Variants in PRMT8 observed in about 807,000 individuals in gnomAD.
The protein encoded by PRMT8 is protein arginine N-methyltransferase 8.
A neutral mutation model predicts 47.1 loss-of-function variants in PRMT8; 7 were observed. That is an observed-to-expected ratio of 0.15 (90% CI 0.08 to 0.28). The LOEUF is 0.28. Among genes scored for constraint, PRMT8 ranks in the 10% least tolerant of loss-of-function variants. PRMT8 has a pLI of 1.00. For synonymous variants in PRMT8, 188 were observed against 186.5 expected (o/e 1.01, Z -0.07); for missense variants, 237 against 505.4 (o/e 0.47, Z 5.09).
rs893588687 is a variant in PRMT8 at position 3,552,861 on chromosome 12, A to G, written c.418-790A>G. 11 of 443,218 alleles carry G rather than the reference A, an allele frequency of 2.5e-5. No individual in the cohort carries two copies. The highest frequency in any genetic ancestry group is 2.2e-4 in the African/African-American group (11 of 49,522). The allele number at this position is 443,218 out of a possible 1,614,324, so 27.5% of individuals were successfully genotyped here. ...TGAGTAGAGCCCAGGGCCTTAGCAC[A>G]GGCCAGCCTCTGTAAGAGAGCCGGC... On this transcript the variant is annotated intron_variant, in intron 3 of 9. Transcript: ENST00000382622. The surrounding 1 kb of genome is among the most constrained non-coding windows in gnomAD (Gnocchi z 4.5).
intron 4 of PRMT8, among the ~76,000 whole-genome samples, chr12:3,555,540 A>G (rs947017450): frequency 6.6e-6 from 1 of 152,260 alleles, no homozygotes; most frequent in African/African-American, 2.4e-5. Context: ...ATTTGTAACC[A>G]GGAAAACAAG....
intron 4 of PRMT8, among the ~76,000 whole-genome samples, chr12:3,560,559 G>T (rs757716361): frequency 4.6e-5 from 7 of 152,224 alleles, no homozygotes; most frequent in Non-Finnish European, 8.8e-5. Context: ...TAAAAAGGTA[G>T]ATTCATTTGT....
intron 1 of PRMT8, among the ~76,000 whole-genome samples, chr12:3,389,302 G>T (rs1591535778): frequency 6.6e-6 from 1 of 151,390 alleles, no homozygotes; most frequent in South Asian, 2.1e-4. Context: ...GCTGGTGACA[G>T]ACAGATCTGG....
chr12:3,430,827 T>A (rs1864667573), intron 1 of PRMT8, among the ~76,000 whole-genome samples: 2 of 152,236 alleles, frequency 1.3e-5, no homozygotes, highest in Non-Finnish European at 2.9e-5. Flanking sequence ...ACTATGATAG[T>A]TGCTGGAAAC....
chr12:3,584,826 C>T (rs969041294), intron 8 of PRMT8, among the ~76,000 whole-genome samples: 1 of 152,120 alleles, frequency 6.6e-6, no homozygotes, highest in African/African-American at 2.4e-5. Context: ...CCCAGCTGCC[C>T]CATTGATGGT....
At chr12:3,399,925 G>A (rs565856907) in intron 1 of PRMT8, among the ~76,000 whole-genome samples, 2 of 152,178 alleles carry the variant, frequency 1.3e-5, no homozygotes, top group Admixed American at 1.3e-4. Context: ...CTTTTTTTTG[G>A]CTTGGTTAAT....
chr12:3,442,567 T>A (rs1303045103), intron 1 of PRMT8, among the ~76,000 whole-genome samples: 1 of 152,100 alleles, frequency 6.6e-6, no homozygotes, highest in East Asian at 1.9e-4. Flanking sequence ...GCAAAGAGAA[T>A]GGGGTACCAG....
chr12:3,553,884 C>G (rs1308035988), intron 4 of PRMT8, among the ~76,000 whole-genome samples, 170 bp downstream of exon 4: 1 of 152,168 alleles, frequency 6.6e-6, no homozygotes, highest in Non-Finnish European at 1.5e-5. Context: ...TGATGTTCCC[C>G]CCGACACCAG....
intron 2 of PRMT8, among the ~76,000 whole-genome samples, chr12:3,546,169 A>G (rs1205752092): frequency 6.6e-6 from 1 of 152,268 alleles, no homozygotes; most frequent in Non-Finnish European, 1.5e-5. Flanking sequence ...AATACAACAT[A>G]TTAAAATTTG....
chr12:3,447,523 C>A (rs757994932), intron 1 of PRMT8, among the ~76,000 whole-genome samples: 3 of 152,106 alleles, frequency 2.0e-5, no homozygotes, highest in Non-Finnish European at 4.4e-5. Context: ...CACCAAATTC[C>A]CACTCATCCT....
Position 3,400,928 on chromosome 12 carries a change from C to T in PRMT8, c.48+19486C>T, listed in dbSNP as rs141813454. On this transcript the variant is annotated intron_variant, in intron 1 of 9. Transcript: ENST00000452611. ...TTGGGAGGCCGAGGTGGGTAGATCA[C>T]CTGAGGTCAGGAGTTTGAGACCAGC... Among the ~76,000 whole-genome samples the T allele has an allele frequency of 2.6e-3, 399 of 152,090 alleles. 3 individuals carry two copies. The highest frequency in any genetic ancestry group is 8.7e-3 in the African/African-American group (362 of 41,500).
At chr12:3,496,210 A>ATTTTTTT (rs1565423219) in intron 1 of PRMT8, among the ~76,000 whole-genome samples, 2 of 10,574 alleles carry the variant, frequency 1.9e-4, no homozygotes, top group Non-Finnish European at 3.7e-4. Context: ...ATATATATAT[A>ATTTTTTT]TATATTTTTT....
rs949986487 is a variant in PRMT8, at chr12:3,580,927, G to A, written c.829-2131G>A. Among the ~76,000 whole-genome samples, 1 of 152,156 alleles carries A rather than the reference G, an allele frequency of 6.6e-6. No homozygotes were observed. The highest frequency in any genetic ancestry group is 2.4e-5 in the African/African-American group (1 of 41,414). Reference sequence around the variant, plus strand: ...CAGCATGTGGCCATGTGGCTGGGAGGGATAATGAGCATTATGAAGGCTGAC... The same window carrying A: ...CAGCATGTGGCCATGTGGCTGGGAGAGATAATGAGCATTATGAAGGCTGAC... On this transcript the variant is annotated intron_variant, in intron 7 of 9. Coordinates refer to ENST00000382622, the MANE Select transcript of PRMT8 (RefSeq NM_019854.5). The surrounding 1 kb of genome is among the most constrained non-coding windows in gnomAD (Gnocchi z 4.6).
At chr12:3,490,081 A>T (rs904017376), upstream of PRMT8, among the ~76,000 whole-genome samples, 2 of 152,182 alleles carry the variant, frequency 1.3e-5, no homozygotes, top group Non-Finnish European at 2.9e-5. Context: ...GAAGGTGATG[A>T]TAAAAAGCAA....
At chr12:3,460,418 T>G (rs1451978538) in intron 1 of PRMT8, among the ~76,000 whole-genome samples, 1 of 152,222 alleles carries the variant, frequency 6.6e-6, no homozygotes, top group East Asian at 1.9e-4. Context: ...ACCAGGCAGC[T>G]GGGCAGACTG....
At chr12:3,556,466 G>A (rs147330135) in intron 4 of PRMT8, among the ~76,000 whole-genome samples, 170 of 152,148 alleles carry the variant, frequency 1.1e-3, no homozygotes, top group African/African-American at 4.0e-3. Context: ...GATCTGGTCC[G>A]GTAAGAACAG....
chr12:3,568,977 C>A, intron 5 of PRMT8, 129 bp downstream of exon 5: 1 of 1,273,226 alleles, frequency 7.9e-7, no homozygotes, highest in Non-Finnish European at 1.1e-6. Context: ...TGCCCCAAGC[C>A]CCTCTCTCTA....
chr12:3,477,469 G>A (rs1416329871), intron 1 of PRMT8, among the ~76,000 whole-genome samples: 1 of 151,960 alleles, frequency 6.6e-6, no homozygotes, highest in Admixed American at 6.6e-5. Context: ...TGGCTTGGAC[G>A]TGAGGTGTCC....
chr12:3,523,607 G>T (rs933111543), intron 1 of PRMT8, among the ~76,000 whole-genome samples: 2 of 152,156 alleles, frequency 1.3e-5, no homozygotes, highest in Admixed American at 1.3e-4. Flanking sequence ...GGTTAAATGG[G>T]TCAAATTTTC....
Sources: allele counts gnomAD v4.1 joint callset (sites outside exome capture counted in the v4.1 genomes callset), GRCh38; gene constraint gnomAD v4.1.1; non-coding constraint Gnocchi (gnomAD v3.1); transcripts MANE v1.5; gene names NCBI Gene and HGNC (gene_info 2026-07-23, HGNC 2026-07-21).